The following SNAP25 variants were observed in gnomAD, a reference collection of about 807,000 sequenced individuals.
SNAP25 encodes the protein synaptosomal-associated protein 25.
Under a neutral mutation model 28.7 loss-of-function variants are expected in SNAP25, and 3 were observed. The ratio of observed to expected loss-of-function variants is 0.10; its 90% CI spans 0.05 to 0.27. The LOEUF is 0.27. SNAP25 is among the 10% of genes least tolerant of loss of function. The probability of loss-of-function intolerance (pLI) is 1.00; values close to 1 mark genes in which losing one functional copy is unlikely to be tolerated. For missense variants in SNAP25, 117 were observed against 278.7 expected (o/e 0.42, Z 4.13); for synonymous variants, 61 against 88.1 (o/e 0.69, Z 1.72).
chr20:10,229,155 A>G (rs1474749730), intron 1 of SNAP25, among the ~76,000 whole-genome samples: 1 of 152,134 alleles, frequency 6.6e-6, no homozygotes, highest in African/African-American at 2.4e-5. Flanking sequence ...ATGTCCTGCT[A>G]TTCTTTAGCT....
chr20:10,304,212 G>A (rs1252138044), intron 7 of SNAP25, among the ~76,000 whole-genome samples: 5 of 152,222 alleles, frequency 3.3e-5, no homozygotes, highest in South Asian at 2.1e-4. Context: ...TCCCCAGATC[G>A]TTTCTGACTG....
rs542524883 is a variant in SNAP25, at chr20:10,277,436, AG to A, written c.73-248del. On this transcript the variant is annotated intron_variant, in intron 2 of 7. Coordinates refer to ENST00000254976, the MANE Select transcript of SNAP25 (RefSeq NM_130811.4). The stretch of plus-strand genomic sequence containing the variant: ...TTACTTTGTCTTTGATATCAAGATC[AG>A]CTTCATATGGTTTTTATTTTCTGAA... 1.5e-4 allele frequency among the ~76,000 whole-genome samples: 23 copies of A among 152,346 alleles called. No homozygotes were observed. In the East Asian group the frequency reaches 4.4e-3, roughly 29 times the overall value.
intron 1 of SNAP25, among the ~76,000 whole-genome samples, chr20:10,248,414 A>G (rs927836705): frequency 1.3e-5 from 2 of 152,230 alleles, no homozygotes; most frequent in Non-Finnish European, 2.9e-5. Flanking sequence ...ATAACAAGGA[A>G]AATATAATTA....
intron 1 of SNAP25, among the ~76,000 whole-genome samples, chr20:10,266,661 G>A (rs2063511424): frequency 6.6e-6 from 1 of 152,138 alleles, no homozygotes; most frequent in South Asian, 2.1e-4. Flanking sequence ...GTAGAACAGG[G>A]TTATGGTAGC....
chr20:10,236,330 G>C (rs2062920071), intron 1 of SNAP25, among the ~76,000 whole-genome samples: 4 of 152,204 alleles, frequency 2.6e-5, no homozygotes. Flanking sequence ...CAGCAGGGAA[G>C]TCAAAGGGGA....
In SNAP25 at chr20:10,260,688, T is replaced by TAC. The variant is rs36220354; in HGVS notation, c.-63-14707_-63-14706dup. On this transcript the variant is annotated intron_variant, in intron 1 of 7. Coordinates refer to ENST00000254976, the MANE Select transcript of SNAP25 (RefSeq NM_130811.4). ...AGGTTAATGGCATACTTAGACTCAC[T>TAC]ACACACACACACACACACACACACA... Among the ~76,000 whole-genome samples the TAC allele has an allele frequency of 1.7e-3, 249 of 148,590 alleles. 1 individual carries two copies. The highest frequency in any genetic ancestry group is 4.8e-3 in the East Asian group (24 of 5,000).
chr20:10,228,132 C>G (rs2062764916), intron 1 of SNAP25, among the ~76,000 whole-genome samples: 1 of 152,056 alleles, frequency 6.6e-6, no homozygotes, highest in Non-Finnish European at 1.5e-5. Context: ...TCTTTTTTCC[C>G]CATTCCTTCT....
chr20:10,260,485 C>G (rs1173165897), intron 1 of SNAP25, among the ~76,000 whole-genome samples: 1 of 151,774 alleles, frequency 6.6e-6, no homozygotes, highest in African/African-American at 2.4e-5. Context: ...AAGTGCATTC[C>G]CTGAACCACC....
At chr20:10,289,542 A>T (rs924221552) in intron 4 of SNAP25, among the ~76,000 whole-genome samples, 2 of 151,798 alleles carry the variant, frequency 1.3e-5, no homozygotes, top group Admixed American at 6.6e-5. Flanking sequence ...CCATCTCTCT[A>T]GCTAAAGTCC....
intron 1 of SNAP25, among the ~76,000 whole-genome samples, chr20:10,229,538 G>C (rs1044112044): frequency 2.6e-5 from 4 of 152,112 alleles, no homozygotes; most frequent in South Asian, 2.1e-4. Flanking sequence ...GTTGGAAAAG[G>C]CTTCCAAAAC....
intron 1 of SNAP25, among the ~76,000 whole-genome samples, chr20:10,223,551 G>A (rs1001688005): frequency 3.9e-5 from 6 of 152,102 alleles, no homozygotes; most frequent in Non-Finnish European, 7.4e-5. Context: ...GATGCTTTAG[G>A]AGGTCAGGTT....
At chr20:10,270,372 C>T (rs1293977492) in intron 1 of SNAP25, among the ~76,000 whole-genome samples, 1 of 152,100 alleles carries the variant, frequency 6.6e-6, no homozygotes, top group Non-Finnish European at 1.5e-5. Context: ...CTCTGTGAAC[C>T]AGCAGCTTCA....
At chr20:10,301,363 A>C (rs1368805283) in intron 7 of SNAP25, among the ~76,000 whole-genome samples, 2 of 152,184 alleles carry the variant, frequency 1.3e-5, no homozygotes, top group Non-Finnish European at 2.9e-5. Flanking sequence ...AGAAGGGTCT[A>C]ATTGCCTTTG....
Position 10,251,950 on chromosome 20 carries a change from A to G in SNAP25, c.-63-23479A>G, listed in dbSNP as rs573623625. ...CAAATTCTCTGTACATTTGTGTTTG[A>G]CAGGTCACTCCAGCAGCACATGCCA... is the stretch of plus-strand genomic sequence containing the variant. On this transcript the variant is annotated intron_variant, in intron 1 of 7. Transcript: ENST00000254976. 6.8e-4 allele frequency among the ~76,000 whole-genome samples: 103 copies of G among 152,328 alleles called. 2 individuals are homozygous for G. The highest frequency in any genetic ancestry group is 6.8e-3 in the Middle Eastern group (2 of 294).
chr20:10,304,855 A>G (rs1010326092), intron 7 of SNAP25, among the ~76,000 whole-genome samples: 1 of 152,190 alleles, frequency 6.6e-6, no homozygotes, highest in Non-Finnish European at 1.5e-5. Context: ...GATGATTAGT[A>G]TCACAGAGCA....
chr20:10,263,270 C>T (rs2063451900), intron 1 of SNAP25, among the ~76,000 whole-genome samples: 1 of 151,636 alleles, frequency 6.6e-6, no homozygotes, highest in Admixed American at 6.6e-5. Flanking sequence ...CCGCCCGCCT[C>T]GGTCTCCCAA....
At chr20:10,284,128 G>A (rs2063830564) in intron 3 of SNAP25, among the ~76,000 whole-genome samples, 2 of 152,020 alleles carry the variant, frequency 1.3e-5, no homozygotes, top group Admixed American at 6.6e-5. Flanking sequence ...TCTAAATACT[G>A]TAGACCCTCT....
Position 10,303,656 on chromosome 20 carries a change from A to G in SNAP25, c.553-2473A>G, listed in dbSNP as rs1045528428. 2.0e-5 allele frequency among the ~76,000 whole-genome samples: 3 copies of G among 152,316 alleles called. No individual in the cohort carries two copies. The East Asian group carries it at 5.8e-4, about 29-fold the overall frequency. On this transcript the variant is annotated intron_variant, in intron 7 of 7. Transcript: ENST00000254976. ...CCTCCTCCTCTTCTTCCCAGGCTGT[A>G]GAAGGATAGACAGCATTACCAGTCA...
At chr20:10,285,106 C>T (rs1435474570) in intron 4 of SNAP25, among the ~76,000 whole-genome samples, 1 of 152,140 alleles carries the variant, frequency 6.6e-6, no homozygotes, top group African/African-American at 2.4e-5. Flanking sequence ...TGCCCCTAAA[C>T]TTTCCCAATA....
Sources: allele counts gnomAD v4.1 joint callset (sites outside exome capture counted in the v4.1 genomes callset), GRCh38; gene constraint gnomAD v4.1.1; transcripts MANE v1.5; gene names NCBI Gene and HGNC (gene_info 2026-07-23, HGNC 2026-07-21).